GRM8: variants seen among roughly 807,000 people sequenced by gnomAD.
GRM8 encodes the protein metabotropic glutamate receptor 8.
A neutral mutation model predicts 87.2 loss-of-function variants in GRM8; 47 were observed. That is an observed-to-expected ratio of 0.54 (90% confidence interval 0.43 to 0.69). The LOEUF (loss-of-function observed/expected upper bound fraction) is 0.69. GRM8 is among the 30% of genes least tolerant of loss of function. The pLI is 0.00. For missense variants in GRM8, 1,019 were observed against 1,139.2 expected (o/e 0.89, Z 1.52); for synonymous variants, 396 against 404.5 (o/e 0.98, Z 0.25).
At chr7:127,071,376 G>A (rs569308131) in intron 3 of GRM8, among the ~76,000 whole-genome samples, 1 of 152,242 alleles carries the variant, frequency 6.6e-6, no homozygotes, top group Non-Finnish European at 1.5e-5. Context: ...ACTTAAAACT[G>A]GACTTTTTTT....
chr7:126,671,857 C>T (rs1212666516), intron 7 of GRM8, among the ~76,000 whole-genome samples: 2 of 152,210 alleles, frequency 1.3e-5, no homozygotes, highest in African/African-American at 2.4e-5. Flanking sequence ...ATCCATTCCT[C>T]TCTCTTGTTG....
intron 2 of GRM8, among the ~76,000 whole-genome samples, chr7:127,145,604 G>A (rs987110464): frequency 3.3e-5 from 5 of 151,968 alleles, no homozygotes; most frequent in Non-Finnish European, 7.4e-5. Context: ...GTGTCAAATG[G>A]CATTATTAAT....
intron 8 of GRM8, among the ~76,000 whole-genome samples, chr7:126,602,406 G>T (rs1797887251): frequency 8.8e-6 from 1 of 114,210 alleles, no homozygotes; most frequent in African/African-American, 2.8e-5. Flanking sequence ...GGATTGACTT[G>T]GCGATGCGGG....
At position 126,532,933 on chromosome 7, in the gene GRM8, T is replaced by C. The variant is rs1815086739; in HGVS notation, c.2430+19A>G. 2 of 1,480,204 alleles carry C rather than the reference T, an allele frequency of 1.4e-6. No homozygotes were observed. The highest frequency in any genetic ancestry group is 1.2e-5 in the South Asian group (1 of 82,134). The allele number at this position is 1,480,204 out of a possible 1,614,324, so 91.7% of individuals were successfully genotyped here. On this transcript the variant is annotated intron_variant, in intron 9 of 10. Transcript: ENST00000339582. The stretch of plus-strand genomic sequence containing the variant: ...TTAAATCCAGGAAAAAGTTGTCAAG[T>C]GTATTTCCTTCTACTTACCTTTTCT...
At chr7:127,103,739 T>G (rs1390961833) in intron 3 of GRM8, among the ~76,000 whole-genome samples, 3 of 152,218 alleles carry the variant, frequency 2.0e-5, no homozygotes, top group African/African-American at 7.2e-5. Context: ...TGCTATTTGC[T>G]GATACCAAAT....
chr7:126,758,833 G>C (rs1334462254), intron 7 of GRM8, among the ~76,000 whole-genome samples: 1 of 152,038 alleles, frequency 6.6e-6, no homozygotes, highest in Non-Finnish European at 1.5e-5. Flanking sequence ...CTTAAGCATA[G>C]TAATTAGGCA....
intron 3 of GRM8, among the ~76,000 whole-genome samples, chr7:127,091,337 C>T (rs987461030): frequency 4.0e-5 from 6 of 150,484 alleles, no homozygotes; most frequent in Non-Finnish European, 7.4e-5. Context: ...TCCCCCTGTC[C>T]CACTGATCAT....
At chr7:126,986,802 C>G (rs973560883) in intron 3 of GRM8, among the ~76,000 whole-genome samples, 9 of 152,150 alleles carry the variant, frequency 5.9e-5, no homozygotes, top group African/African-American at 1.9e-4. Context: ...TCAAAGACAA[C>G]AGGAAAATGT....
At chr7:126,746,865 A>T (rs1243803131) in intron 7 of GRM8, among the ~76,000 whole-genome samples, 13 of 151,880 alleles carry the variant, frequency 8.6e-5, no homozygotes, top group African/African-American at 3.1e-4. Flanking sequence ...AATATAAATT[A>T]TACTTCAATT....
At chr7:127,248,096 T>C (rs1014965670) in intron 1 of GRM8, among the ~76,000 whole-genome samples, 5 of 152,248 alleles carry the variant, frequency 3.3e-5, no homozygotes, top group Non-Finnish European at 4.4e-5. Context: ...GAATTCAATT[T>C]GTGCCTTTAT....
At chr7:127,095,440 C>T (rs964979359) in intron 3 of GRM8, among the ~76,000 whole-genome samples, 1 of 152,118 alleles carries the variant, frequency 6.6e-6, no homozygotes, top group African/African-American at 2.4e-5. Flanking sequence ...AAGCCACACA[C>T]TGATTGCATG....
intron 2 of GRM8, among the ~76,000 whole-genome samples, chr7:127,132,658 A>C (rs1827749505): frequency 6.6e-6 from 1 of 152,074 alleles, no homozygotes; most frequent in African/African-American, 2.4e-5. Context: ...CATGGCATTT[A>C]AGCTGAGATT....
At chr7:127,193,658 G>A (rs977110200) in intron 2 of GRM8, among the ~76,000 whole-genome samples, 1 of 152,144 alleles carries the variant, frequency 6.6e-6, no homozygotes, top group Non-Finnish European at 1.5e-5. Flanking sequence ...GTCAAGAACG[G>A]TAGCTATGGA....
In GRM8 at chr7:126,533,891, T is replaced by A; in HGVS notation, c.1495-4A>T. 1 of 1,599,560 alleles carries A rather than the reference T, an allele frequency of 6.3e-7. No homozygotes were observed. The highest frequency in any genetic ancestry group is 8.5e-7 in the Non-Finnish European group (1 of 1,172,642). On this transcript the variant is annotated splice_region_variant and splice_polypyrimidine_tract_variant and intron_variant, in intron 8 of 10. Coordinates refer to ENST00000339582, the MANE Select transcript of GRM8 (RefSeq NM_000845.3). Reference sequence around the variant, plus strand: ...GAGCCCACTGCATGTCTTCCACCTGTGGGTATAAAAAATTAATGAGCCTTC... The same window carrying A: ...GAGCCCACTGCATGTCTTCCACCTGAGGGTATAAAAAATTAATGAGCCTTC...
At chr7:126,949,948 G>A (rs1437932098) in intron 3 of GRM8, among the ~76,000 whole-genome samples, 1 of 152,144 alleles carries the variant, frequency 6.6e-6, no homozygotes, top group Non-Finnish European at 1.5e-5. Flanking sequence ...GTAGGCTTCT[G>A]TCGAGTATTT....
intron 2 of GRM8, 149 bp from the exon 3 acceptor site, chr7:127,106,861 G>T: frequency 3.2e-6 from 2 of 632,550 alleles, no homozygotes; most frequent in Non-Finnish European, 2.9e-6. Flanking sequence ...CAATTTAATT[G>T]GAAAGTATTT....
At chr7:126,764,940 A>C (rs1818027910) in intron 7 of GRM8, among the ~76,000 whole-genome samples, 2 of 152,048 alleles carry the variant, frequency 1.3e-5, no homozygotes, top group African/African-American at 4.8e-5. Flanking sequence ...TCCCTGCTTA[A>C]GCTTTCCCCA....
At chr7:126,592,262 T>C (rs1046569913) in intron 8 of GRM8, among the ~76,000 whole-genome samples, 1 of 151,370 alleles carries the variant, frequency 6.6e-6, no homozygotes. Context: ...AGGGAATACT[T>C]CCAAATTCAT....
chr7:126,826,646 T>G (rs1447100975), intron 6 of GRM8, among the ~76,000 whole-genome samples: 3 of 152,174 alleles, frequency 2.0e-5, no homozygotes, highest in Non-Finnish European at 4.4e-5. Context: ...GTTGCGAAAA[T>G]TTTCTCCCAT....
Sources: allele counts gnomAD v4.1 joint callset (sites outside exome capture counted in the v4.1 genomes callset), GRCh38; gene constraint gnomAD v4.1.1; transcripts MANE v1.5; gene names NCBI Gene and HGNC (gene_info 2026-07-23, HGNC 2026-07-21).